The following RALGAPB variants were observed in gnomAD, a reference collection of about 807,000 sequenced individuals.
The protein encoded by RALGAPB is ral GTPase-activating protein subunit beta.
RALGAPB carries 25 observed loss-of-function variants against 161.1 expected under a neutral mutation model. The ratio of observed to expected loss-of-function variants is 0.16; its 90% CI spans 0.11 to 0.22. RALGAPB has a LOEUF of 0.22. Among genes scored for constraint, RALGAPB ranks in the 10% least tolerant of loss-of-function variants. RALGAPB has a pLI of 1.00. For missense variants in RALGAPB, 1,391 were observed against 1,815.2 expected (o/e 0.77, Z 4.25); for synonymous variants, 629 against 626.1 (o/e 1.00, Z -0.07).
chr20:38,547,775 A>G (rs2087222114), intron 19 of RALGAPB: 1 of 152,190 alleles, frequency 6.6e-6, no homozygotes, highest in Non-Finnish European at 1.5e-5. Context: ...TTCTACAGGC[A>G]TCTCATCCTT....
At chr20:38,550,715 T>C (rs1306156282) in intron 20 of RALGAPB, among the ~76,000 whole-genome samples, 1 of 152,192 alleles carries the variant, frequency 6.6e-6, no homozygotes, top group Non-Finnish European at 1.5e-5. Context: ...TTAATTATAT[T>C]GAATGATGTG....
chr20:38,497,104 T>C (rs568444820), intron 3 of RALGAPB, among the ~76,000 whole-genome samples: 3 of 152,344 alleles, frequency 2.0e-5, no homozygotes, highest in South Asian at 4.1e-4. Flanking sequence ...GTTTATGTTC[T>C]AGTATTCCCG....
At chr20:38,504,733 G>A (rs1009769193) in intron 5 of RALGAPB, among the ~76,000 whole-genome samples, 7 of 151,936 alleles carry the variant, frequency 4.6e-5, no homozygotes, top group Non-Finnish European at 1.0e-4. Context: ...AATTGAACAA[G>A]CAAAAAACAA....
At chr20:38,545,917 G>C (rs6070543) in intron 18 of RALGAPB, among the ~76,000 whole-genome samples, 28,109 of 152,130 alleles carry the variant, frequency 0.18, 3,548 homozygotes, top group Non-Finnish European at 0.26. Context: ...ATAGGTTGCT[G>C]GTAAGGGAGT....
chr20:38,490,240 G>A (rs1371932919), intron 2 of RALGAPB, among the ~76,000 whole-genome samples: 10 of 151,812 alleles, frequency 6.6e-5, no homozygotes, highest in African/African-American at 9.7e-5. Flanking sequence ...ACGGAGTCTC[G>A]CTCTGTTGCC....
chr20:38,508,314 TA>T (rs1377244717), intron 5 of RALGAPB, among the ~76,000 whole-genome samples: 1 of 151,866 alleles, frequency 6.6e-6, no homozygotes, highest in Non-Finnish European at 1.5e-5. Context: ...ATACCTAACC[TA>T]TAAAAAGGTC....
At chr20:38,564,801 A>C (rs2087924478) in intron 24 of RALGAPB, among the ~76,000 whole-genome samples, 1 of 152,056 alleles carries the variant, frequency 6.6e-6, no homozygotes, top group South Asian at 2.1e-4. Flanking sequence ...TAAAAGCAAG[A>C]GTCCAGAGAT....
intron 16 of RALGAPB, among the ~76,000 whole-genome samples, chr20:38,539,346 T>C (rs953667854): frequency 6.6e-6 from 1 of 152,182 alleles, no homozygotes; most frequent in Non-Finnish European, 1.5e-5. Flanking sequence ...TGCATACTTA[T>C]GTCAGAATTG....
intron 13 of RALGAPB, among the ~76,000 whole-genome samples, chr20:38,528,920 G>T (rs1411580292): frequency 6.6e-6 from 1 of 152,112 alleles, no homozygotes; most frequent in Non-Finnish European, 1.5e-5. Flanking sequence ...GATAGCAAAT[G>T]ATCTACCTGC....
Position 38,524,271 on chromosome 20 carries a change from A to G in RALGAPB, c.1620-507A>G, listed in dbSNP as rs527300736. On this transcript the variant is annotated intron_variant, in intron 10 of 29. Coordinates refer to ENST00000262879, the MANE Select transcript of RALGAPB (RefSeq NM_020336.4). The stretch of plus-strand genomic sequence containing the variant: ...GTTTCTTTCTTTCATTGTCCCCCCA[A>G]AAATAATGGGGAAGGGACAAAAATG... Among the ~76,000 whole-genome samples the G allele has an allele frequency of 1.8e-3, 274 of 152,324 alleles. 2 individuals carry two copies. The highest frequency in any genetic ancestry group is 3.2e-3 in the Non-Finnish European group (217 of 68,018).
At chr20:38,495,075 T>G (rs1398719856) in intron 3 of RALGAPB, among the ~76,000 whole-genome samples, 2 of 152,246 alleles carry the variant, frequency 1.3e-5, no homozygotes, top group Admixed American at 6.5e-5. Context: ...GAAAATTAGC[T>G]GAATATTTTC....
chr20:38,535,244 C>T lies in RALGAPB; in HGVS notation c.2379+37C>T, dbSNP rs754446879. ...AGTCCTTTTATTTTAACCCAACAGCCTTGGGCCTTGGCTGTTTTTTCTGTA... is the reference window on the plus strand; with the variant it reads ...AGTCCTTTTATTTTAACCCAACAGCTTTGGGCCTTGGCTGTTTTTTCTGTA... On this transcript the variant is annotated intron_variant, in intron 16 of 29. Transcript: ENST00000262879. The T allele has an allele frequency of 2.5e-6, 4 of 1,608,046 alleles. No homozygotes were observed. The Admixed American group carries it at 6.7e-5, about 27-fold the overall frequency.
intron 14 of RALGAPB, among the ~76,000 whole-genome samples, chr20:38,531,752 T>TA (rs2086657621): frequency 6.6e-6 from 1 of 152,106 alleles, no homozygotes; most frequent in Non-Finnish European, 1.5e-5. Context: ...ATGGAGGGGT[T>TA]AATAGGGTAT....
In RALGAPB at chr20:38,516,211, A is replaced by T. The variant is rs2086117528; in HGVS notation, c.892A>T (p.Asn298Tyr). ...TAATAGTAATCCTGTGGATTTGAGT[A>T]ACCCAGCTATTATAAGCTCTACTCC... ...HMLSNPVDLSNPAIISSTPKF... is the reference protein window; with the variant it reads ...HMLSNPVDLSYPAIISSTPKF... The change falls in exon 7 of 30, where the codon AAC becomes TAC. Residue 298 changes from asparagine to tyrosine, a missense_variant. Physicochemically the swap from Asn to Tyr is moderately radical, Grantham distance 143 (BLOSUM62 -2). Transcript: ENST00000262879. The T allele has an allele frequency of 6.2e-7, 1 of 1,603,852 alleles. No homozygotes were observed. Among genetic ancestry groups the T allele is most frequent in the South Asian group, 1.1e-5 (1 of 88,848 alleles).
At chr20:38,563,282 A>G (rs1277854188) in intron 24 of RALGAPB, among the ~76,000 whole-genome samples, 1 of 152,196 alleles carries the variant, frequency 6.6e-6, no homozygotes, top group Non-Finnish European at 1.5e-5. Context: ...TTCTATACAA[A>G]TGGTGTAATA....
chr20:38,492,825 C>A, intron 2 of RALGAPB, 105 bp from the exon 3 acceptor site: 1 of 860,520 alleles, frequency 1.2e-6, no homozygotes, highest in South Asian at 1.7e-5. Context: ...GACGAATATA[C>A]TGTCAATTTA....
intron 6 of RALGAPB, among the ~76,000 whole-genome samples, chr20:38,510,153 CACACACACACACAG>C (rs1157675170): frequency 1.3e-5 from 2 of 150,940 alleles, no homozygotes; most frequent in African/African-American, 4.9e-5. Context: ...CACACACACA[CACACACACACACAG>C]ACACACGCAT....
At chr20:38,520,775 CTG>C (rs1356359959) in intron 9 of RALGAPB, among the ~76,000 whole-genome samples, 1 of 152,002 alleles carries the variant, frequency 6.6e-6, no homozygotes, top group African/African-American at 2.4e-5. Flanking sequence ...TTTCAATACA[CTG>C]TGAAATCTTT....
intron 6 of RALGAPB, 139 bp from the exon 7 acceptor site, chr20:38,516,053 G>T: frequency 3.3e-6 from 2 of 601,274 alleles, no homozygotes; most frequent in Non-Finnish European, 5.4e-6. Context: ...GATTTGAATC[G>T]CTGGCCCATT....
Sources: gnomAD v4.1 joint callset for allele counts (sites outside exome capture counted in the v4.1 genomes callset) on GRCh38, gnomAD v4.1.1 for gene constraint, MANE v1.5 for transcripts, NCBI Gene and HGNC (gene_info 2026-07-23, HGNC 2026-07-21) for gene names.